The following BTBD8 variants were observed in gnomAD, a reference collection of about 807,000 sequenced individuals.
The protein encoded by BTBD8 is BTB/POZ domain-containing protein 8.
Under a neutral mutation model 162.9 loss-of-function variants are expected in BTBD8, and 110 were observed. The observed-to-expected ratio is 0.68, with a 90% CI of 0.58 to 0.79. The LOEUF (loss-of-function observed/expected upper bound fraction) is 0.79. BTBD8 is among the 30% of genes least tolerant of loss of function. BTBD8 has a pLI of 0.00. For synonymous variants in BTBD8, 667 were observed against 716.1 expected (o/e 0.93, Z 1.10); for missense variants, 1,905 against 2,085.4 (o/e 0.91, Z 1.68).
At chr1:92,104,498 T>C (rs1337964788) in intron 3 of BTBD8, among the ~76,000 whole-genome samples, 1 of 152,176 alleles carries the variant, frequency 6.6e-6, no homozygotes, top group Non-Finnish European at 1.5e-5. Context: ...CACAGAGCAA[T>C]TGACAGAGCT....
Position 92,177,895 on chromosome 1 carries a change from A to T in BTBD8, c.2438A>T (p.Asn813Ile). 6.8e-7 allele frequency: 1 copy of T among 1,481,406 alleles called. No homozygotes were observed. The highest frequency in any genetic ancestry group is 1.2e-5 in the South Asian group (1 of 82,250). 91.8% of individuals were successfully genotyped at this position (1,481,406 alleles called of 1,614,324 possible). The change falls in exon 15 of 18, where the codon AAC becomes ATC. Residue 813 changes from asparagine (N) to isoleucine (I), a missense_variant. By Grantham distance (149) the Asn-to-Ile change is moderately radical. Coordinates refer to ENST00000636805, the MANE Select transcript of BTBD8 (RefSeq NM_001376131.1). ...SIHEQDTNVN[N>I]SVLKKVSGKG... ...CATGAACAAGACACTAATGTAAATA[A>T]CAGGTAGGTCTTCATTCAGTGTTTT...
chr1:92,150,058 C>A (rs983264834), intron 9 of BTBD8, among the ~76,000 whole-genome samples: 1 of 152,204 alleles, frequency 6.6e-6, no homozygotes, highest in Admixed American at 6.5e-5. Flanking sequence ...CTCCCTGTAA[C>A]AAATTTCTTT....
At chr1:92,095,369 C>G (rs559919197) in intron 2 of BTBD8, among the ~76,000 whole-genome samples, 1 of 152,320 alleles carries the variant, frequency 6.6e-6, no homozygotes, top group South Asian at 2.1e-4. Context: ...CATGCTTTCC[C>G]CTTGCTCCTT....
At chr1:92,166,536 T>C (rs1235268530) in intron 9 of BTBD8, among the ~76,000 whole-genome samples, 3 of 147,022 alleles carry the variant, frequency 2.0e-5, no homozygotes, top group African/African-American at 7.5e-5. Context: ...GCAACTCTCC[T>C]CCCTCAGCCT....
chr1:92,172,884 C>A (rs1650589736), intron 13 of BTBD8, among the ~76,000 whole-genome samples: 1 of 152,178 alleles, frequency 6.6e-6, no homozygotes, highest in African/African-American at 2.4e-5. Flanking sequence ...CGAGCTCCAT[C>A]TAGCATCAAC....
chr1:92,080,612 T>G lies in BTBD8; in HGVS notation c.41T>G (p.Leu14Arg), dbSNP rs1168071579. ...CGEGSAAPMVLLGSAGVCSKG... is the reference protein window; with the variant it reads ...CGEGSAAPMVRLGSAGVCSKG... ...GAAGGCAGTGCGGCCCCCATGGTAC[T>G]TCTGGGGTCCGCTGGAGTTTGCAGT... The change falls in exon 1 of 18, where the codon CTT (leucine) becomes CGT (arginine). Residue 14 changes from leucine (L) to arginine (R), a missense_variant. Leu to Arg is a moderately radical substitution (Grantham distance 102). Around this residue, in one of 3 missense-constraint regions of BTBD8, gnomAD observed 1,374 missense variants for 1,442.7 expected, o/e 0.95. Transcript: ENST00000636805. The G allele has an allele frequency of 6.2e-7, 1 of 1,614,038 alleles. No homozygotes were observed. The highest frequency in any genetic ancestry group is 1.1e-5 in the South Asian group (1 of 91,076).
At chr1:92,158,915 C>T (rs113126986) in intron 9 of BTBD8, among the ~76,000 whole-genome samples, 18 of 152,222 alleles carry the variant, frequency 1.2e-4, no homozygotes, top group African/African-American at 4.3e-4. Flanking sequence ...TGCCATCACA[C>T]GTGGCTAACT....
chr1:92,166,424 C>CTTTTTTTTTTTTTTTTT (rs35849731), intron 9 of BTBD8, among the ~76,000 whole-genome samples: 1 of 120,416 alleles, frequency 8.3e-6, no homozygotes. Flanking sequence ...TCTTTTCTTT[C>CTTTTTTTTTTTTTTTTT]TTTTTTTTTT....
chr1:92,119,120 G>A (rs1382150455), intron 4 of BTBD8, among the ~76,000 whole-genome samples: 1 of 151,222 alleles, frequency 6.6e-6, no homozygotes, highest in East Asian at 1.9e-4. Context: ...AAATACTAAG[G>A]ATACACACGA....
At chr1:92,119,292 T>C (rs1001563416) in intron 4 of BTBD8, among the ~76,000 whole-genome samples, 8 of 148,376 alleles carry the variant, frequency 5.4e-5, no homozygotes, top group Admixed American at 1.3e-4. Context: ...TTTTTCTTTT[T>C]TTTTTTTTTT....
In BTBD8 at chr1:92,176,900, T is replaced by A. The variant is rs1271390514; in HGVS notation, c.1707T>A (p.Cys569Ter). Residue 569 changes from cysteine (C) to a stop codon, truncating the protein, a stop_gained, in exon 14 of 18, where the codon TGT becomes TGA. Transcript: ENST00000636805. LOFTEE classifies it high-confidence loss of function. ...KSWRGNNKKECWSYLSTNKKM... is the reference protein window; with the variant it reads ...KSWRGNNKKE ...GGAGGGGAAATAACAAGAAAGAGTG[T>A]TGGAGTTATCTCTCTACTAATAAAA... 1.3e-6 allele frequency: 2 copies of A among 1,528,742 alleles called. No homozygotes were observed. 94.7% of individuals were successfully genotyped at this position (1,528,742 alleles called of 1,614,324 possible).
At chr1:92,084,013 A>C (rs1203433918) in intron 1 of BTBD8, among the ~76,000 whole-genome samples, 1 of 152,222 alleles carries the variant, frequency 6.6e-6, no homozygotes, top group Non-Finnish European at 1.5e-5. Flanking sequence ...TCTGGAGTAG[A>C]GGAGGGGAGT....
chr1:92,121,946 C>T (rs1330433238), intron 4 of BTBD8, among the ~76,000 whole-genome samples: 1 of 151,974 alleles, frequency 6.6e-6, no homozygotes, highest in Non-Finnish European at 1.5e-5. Flanking sequence ...GTTGGGACTA[C>T]AGGCACACAC....
chr1:92,081,739 A>G (rs149481299), intron 1 of BTBD8, among the ~76,000 whole-genome samples: 1,654 of 152,250 alleles, frequency 0.011, 20 homozygotes, highest in Non-Finnish European at 0.015. Flanking sequence ...ACGCCCGGCT[A>G]ATTTTTGTAT....
In BTBD8 at chr1:92,177,888, G is replaced by A. The variant is rs1650768054; in HGVS notation, c.2431G>A (p.Val811Ile). 7.3e-6 allele frequency: 11 copies of A among 1,504,944 alleles called. No homozygotes were observed. The highest frequency in any genetic ancestry group is 1.4e-5 in the African/African-American group (1 of 72,116). 93.2% of individuals were successfully genotyped at this position (1,504,944 alleles called of 1,614,324 possible). Residue 811 changes from valine to isoleucine, a missense_variant, in exon 15 of 18, where the codon GTA (valine) becomes ATA (isoleucine). Val to Ile is a conservative substitution (Grantham distance 29, BLOSUM62 3). Transcript: ENST00000636805. Reference protein sequence around the residue: ...KKSIHEQDTNVNNSVLKKVSG... With the variant: ...KKSIHEQDTNINNSVLKKVSG... ...AAGTATTCATGAACAAGACACTAAT[G>A]TAAATAACAGGTAGGTCTTCATTCA... is the stretch of plus-strand genomic sequence containing the variant.
chr1:92,088,598 A>AT, intron 1 of BTBD8, 100 bp from the exon 2 acceptor site: 2 of 934,540 alleles, frequency 2.1e-6, no homozygotes, highest in Non-Finnish European at 3.0e-6. Flanking sequence ...TTGCCTCTGT[A>AT]TTTTTTAGCT....
chr1:92,094,205 G>C (rs1488307529), intron 2 of BTBD8, among the ~76,000 whole-genome samples: 1 of 152,204 alleles, frequency 6.6e-6, no homozygotes, highest in Non-Finnish European at 1.5e-5. Context: ...TATTAGGTTA[G>C]TCGTGTGTGT....
intron 9 of BTBD8, among the ~76,000 whole-genome samples, chr1:92,163,663 G>A (rs1041751969): frequency 4.0e-5 from 6 of 151,768 alleles, no homozygotes; most frequent in Non-Finnish European, 8.8e-5. Context: ...AAGGGGACCC[G>A]AGCAGATTGC....
intron 3 of BTBD8, 22 bp from the exon 4 acceptor site, chr1:92,107,862 G>T (rs1164967159): frequency 3.2e-6 from 5 of 1,574,144 alleles, no homozygotes; most frequent in Non-Finnish European, 4.3e-6. Flanking sequence ...CTATTTTTTA[G>T]TCTTGTTTTT....
Sources: allele counts gnomAD v4.1 joint callset (sites outside exome capture counted in the v4.1 genomes callset), GRCh38; gene constraint gnomAD v4.1.1; regional missense constraint gnomAD v4.1.1; transcripts MANE v1.5; gene names NCBI Gene and HGNC (gene_info 2026-07-23, HGNC 2026-07-21).